Variants in SIPA1L1 observed in about 807,000 individuals in gnomAD.
SIPA1L1 encodes signal-induced proliferation-associated 1-like protein 1.
SIPA1L1 carries 26 observed loss-of-function variants against 162.7 expected under a neutral mutation model. That is an observed-to-expected ratio of 0.16 (90% confidence interval 0.12 to 0.22). The LOEUF is 0.22. Among genes scored for constraint, SIPA1L1 ranks in the 10% least tolerant of loss-of-function variants. The pLI is 1.00. For missense variants in SIPA1L1, 1,874 were observed against 2,241.0 expected (o/e 0.84, Z 3.31); for synonymous variants, 829 against 837.4 (o/e 0.99, Z 0.17).
chr14:71,553,090 CTCTTCTAAGCAATGAATACTTTT>C (rs1451451214), intron 4 of SIPA1L1, among the ~76,000 whole-genome samples: 2 of 152,166 alleles, frequency 1.3e-5, no homozygotes, highest in African/African-American at 2.4e-5. Context: ...TTGAAATCCA[CTCTTCTAAGCAATGAATACTTTT>C]TCTTCTATTT....
intron 2 of SIPA1L1, among the ~76,000 whole-genome samples, chr14:71,438,788 A>G (rs780175112): frequency 5.3e-5 from 8 of 152,158 alleles, no homozygotes; most frequent in African/African-American, 1.9e-4. Flanking sequence ...CCACCAAGTA[A>G]CTATTAGATT....
At position 71,474,791 on chromosome 14, in the gene SIPA1L1, A is replaced by G. The variant is rs564802664; in HGVS notation, c.-464-37952A>G. On this transcript the variant is annotated intron_variant, in intron 2 of 23. Coordinates refer to ENST00000381232, the MANE Select transcript of SIPA1L1 (RefSeq NM_001386936.1). ...CTCTTCATTTGGCTATTTATAGTTG[A>G]TTCTTAATTCTGATTTTCTAACTTG... Among the ~76,000 whole-genome samples, 13 of 152,274 alleles carry G rather than the reference A, an allele frequency of 8.5e-5. No homozygotes were observed. The East Asian group carries it at 2.1e-3, about 25-fold the overall frequency.
intron 16 of SIPA1L1, among the ~76,000 whole-genome samples, chr14:71,705,855 C>G (rs370182061): frequency 6.6e-6 from 1 of 152,006 alleles, no homozygotes; most frequent in East Asian, 1.9e-4. Flanking sequence ...ATACACAATT[C>G]CTTCTCACTT....
In SIPA1L1 at chr14:71,606,230, C is replaced by T. The variant is rs550481475; in HGVS notation, c.1499-12527C>T. On this transcript the variant is annotated intron_variant, in intron 5 of 23. Coordinates refer to ENST00000381232, the MANE Select transcript of SIPA1L1 (RefSeq NM_001386936.1). Reference sequence around the variant, plus strand: ...ACATGCCCTTCCCTTGTGCTTCAGCCGCGGTGATGGCAGCCCACAACAAAG... The same window carrying T: ...ACATGCCCTTCCCTTGTGCTTCAGCTGCGGTGATGGCAGCCCACAACAAAG... Among the ~76,000 whole-genome samples, 8 of 152,170 alleles carry T rather than the reference C, an allele frequency of 5.3e-5. No homozygotes were observed. The East Asian group carries it at 1.5e-3, about 29-fold the overall frequency.
intron 5 of SIPA1L1, among the ~76,000 whole-genome samples, chr14:71,599,769 C>T (rs2036512218): frequency 1.3e-5 from 2 of 152,098 alleles, no homozygotes; most frequent in South Asian, 4.1e-4. Context: ...GCATCTTCAC[C>T]AACATCTGTT....
intron 12 of SIPA1L1, among the ~76,000 whole-genome samples, chr14:71,675,240 C>T (rs1395068479): frequency 1.3e-5 from 2 of 152,198 alleles, no homozygotes. Flanking sequence ...CCCGGAGGAG[C>T]CAGTGGAGCT....
chr14:71,597,115 G>T lies in SIPA1L1; in HGVS notation c.1498+7745G>T, dbSNP rs1045619863. ...CTCCTCAACAGCTGGGATCACAAGC[G>T]TGCATCATCACGCCTGGCTAATTTT... On this transcript the variant is annotated intron_variant, in intron 5 of 23. Transcript: ENST00000381232. 2.6e-5 allele frequency among the ~76,000 whole-genome samples: 4 copies of T among 152,066 alleles called. No individual in the cohort carries two copies. The South Asian group carries it at 6.2e-4, about 24-fold the overall frequency.
chr14:71,550,148 G>A (rs946737992), intron 4 of SIPA1L1, among the ~76,000 whole-genome samples: 5 of 152,274 alleles, frequency 3.3e-5, no homozygotes, highest in South Asian at 2.1e-4. Flanking sequence ...AGGTACTTGC[G>A]AGGTTGAGGT....
chr14:71,513,138 A>G (rs563735174), intron 3 of SIPA1L1, among the ~76,000 whole-genome samples: 53 of 152,242 alleles, frequency 3.5e-4, no homozygotes, highest in African/African-American at 1.2e-3. Context: ...ATGGTCACTC[A>G]TGTTTGGTTC....
chr14:71,702,321 G>T (rs2082149659), intron 14 of SIPA1L1, 60 bp from the exon 15 acceptor site: 1 of 1,592,646 alleles, frequency 6.3e-7, no homozygotes, highest in Non-Finnish European at 8.6e-7. Flanking sequence ...ACCCAGGACT[G>T]CCTTCCCCTC....
At chr14:71,692,436 C>T (rs2081318072) in intron 13 of SIPA1L1, among the ~76,000 whole-genome samples, 1 of 152,166 alleles carries the variant, frequency 6.6e-6, no homozygotes, top group African/African-American at 2.4e-5. Context: ...TCAGCCAAGA[C>T]AAGGGAGAAA....
chr14:71,432,182 C>T (rs1022958780), intron 2 of SIPA1L1, among the ~76,000 whole-genome samples: 1 of 152,062 alleles, frequency 6.6e-6, no homozygotes, highest in Non-Finnish European at 1.5e-5. Context: ...TCAAGCAATC[C>T]ACCTGTTTCA....
chr14:71,378,599 G>A (rs539357571), intron 2 of SIPA1L1, among the ~76,000 whole-genome samples: 2 of 152,252 alleles, frequency 1.3e-5, no homozygotes, highest in Admixed American at 6.5e-5. Context: ...GCATTTGAAA[G>A]GAATGTGTCT....
chr14:71,366,697 A>C (rs2038331530), intron 2 of SIPA1L1, among the ~76,000 whole-genome samples: 1 of 152,052 alleles, frequency 6.6e-6, no homozygotes, highest in Admixed American at 6.5e-5. Context: ...CGGCCTCCCA[A>C]AGTGCTGGGA....
chr14:71,363,336 T>G (rs2037982459), intron 2 of SIPA1L1, among the ~76,000 whole-genome samples: 2 of 152,206 alleles, frequency 1.3e-5, no homozygotes, highest in Non-Finnish European at 2.9e-5. Flanking sequence ...AGAAATGAGT[T>G]TTCCCTAGGA....
chr14:71,459,074 A>G (rs1273964231), intron 2 of SIPA1L1, among the ~76,000 whole-genome samples: 1 of 151,802 alleles, frequency 6.6e-6, no homozygotes, highest in East Asian at 1.9e-4. Context: ...TCTGTCTGAA[A>G]AAAAAAAAAA....
chr14:71,480,194 T>G (rs748458234), intron 2 of SIPA1L1, among the ~76,000 whole-genome samples: 13 of 151,494 alleles, frequency 8.6e-5, no homozygotes, highest in Non-Finnish European at 1.8e-4. Context: ...GCGATTCTCC[T>G]GCCTCAGCCT....
rs1043548739 is a variant in SIPA1L1 at position 71,329,481 on chromosome 14, C to T, written c.-465+8300C>T. Among the ~76,000 whole-genome samples, 3 of 151,350 alleles carry T rather than the reference C, an allele frequency of 2.0e-5. No individual in the cohort carries two copies. The East Asian group carries it at 5.8e-4, about 29-fold the overall frequency. ...TTCGAGACAGGGTCTCCCTCTGCCA[C>T]TCAGGTTGGGGTGCAGTGGTGCCAT... On this transcript the variant is annotated intron_variant, in intron 2 of 23. Coordinates refer to ENST00000381232, the MANE Select transcript of SIPA1L1 (RefSeq NM_001386936.1).
intron 3 of SIPA1L1, among the ~76,000 whole-genome samples, chr14:71,525,716 C>A (rs2052798941): frequency 6.6e-6 from 1 of 152,178 alleles, no homozygotes; most frequent in Non-Finnish European, 1.5e-5. Context: ...AGAAATAAAT[C>A]CCTTCATCAG....
Sources: gnomAD v4.1 joint callset for allele counts (sites outside exome capture counted in the v4.1 genomes callset) on GRCh38, gnomAD v4.1.1 for gene constraint, MANE v1.5 for transcripts, NCBI Gene and HGNC (gene_info 2026-07-23, HGNC 2026-07-21) for gene names.